Variants in FGF10 observed in about 807,000 individuals in gnomAD.
The protein encoded by FGF10 is FGF-10.
In FGF10, 2 loss-of-function variants were observed where a neutral mutation model predicts 19.8. That is an observed-to-expected ratio of 0.10 (90% CI 0.04 to 0.32). FGF10 has a LOEUF of 0.32. Ranked by LOEUF, FGF10 falls within the 10% of genes least tolerant of loss-of-function variation. FGF10 has a pLI of 1.00. For missense variants in FGF10, 191 were observed against 246.3 expected (o/e 0.78, Z 1.50); for synonymous variants, 112 against 94.0 (o/e 1.19, Z -1.10).
chr5:44,342,923 C>T (rs73752006), intron 1 of FGF10, among the ~76,000 whole-genome samples: 2,526 of 152,060 alleles, frequency 0.017, 60 homozygotes, highest in African/African-American at 0.056. Context: ...AAATGCATCA[C>T]ATAGTTTGGT....
At position 44,389,131 on chromosome 5, in the gene FGF10, C is replaced by CA; in HGVS notation, c.-450_-449insT. The CA allele has an allele frequency of 3.8e-5, 10 of 262,794 alleles. No homozygotes were observed. Among genetic ancestry groups the CA allele is most frequent in the South Asian group, 3.4e-4 (7 of 20,826 alleles). 16.3% of individuals were successfully genotyped at this position (262,794 alleles called of 1,614,324 possible). ...GGGGAATAGGGGGAGATATCTGCAC[C>CA]CCTCTGCGGTTGGCACCTTCTGGTC... On this transcript the variant is annotated 5_prime_UTR_variant, in exon 1 of 3. Transcript: ENST00000264664.
At chr5:44,334,828 G>A (rs1364403946) in intron 1 of FGF10, among the ~76,000 whole-genome samples, 2 of 152,162 alleles carry the variant, frequency 1.3e-5, no homozygotes, top group African/African-American at 4.8e-5. Flanking sequence ...AAAGATACTT[G>A]CATAAACAAG....
At chr5:44,372,449 T>C (rs914674580) in intron 1 of FGF10, among the ~76,000 whole-genome samples, 1 of 152,144 alleles carries the variant, frequency 6.6e-6, no homozygotes, top group African/African-American at 2.4e-5. Context: ...TTTAATCACA[T>C]CTGCAAAACT....
At chr5:44,366,217 T>G (rs1176365326) in intron 1 of FGF10, among the ~76,000 whole-genome samples, 1 of 148,776 alleles carries the variant, frequency 6.7e-6, no homozygotes, top group Non-Finnish European at 1.5e-5. Flanking sequence ...CAAAAGGTTA[T>G]ATATACATCT....
Position 44,303,326 on chromosome 5 carries a change from G to A in FGF10, c.*1669C>T, listed in dbSNP as rs531008954. ...TAAGTTTGTTGGAGAATCACAGAACGCCAGCATTTCCAAAGGTTAAACTTT... is the reference window on the plus strand; with the variant it reads ...TAAGTTTGTTGGAGAATCACAGAACACCAGCATTTCCAAAGGTTAAACTTT... On this transcript the variant is annotated 3_prime_UTR_variant, in exon 3 of 3. Coordinates refer to ENST00000264664, the MANE Select transcript of FGF10 (RefSeq NM_004465.2). Among the ~76,000 whole-genome samples, 6 of 152,160 alleles carry A rather than the reference G, an allele frequency of 3.9e-5. No individual in the cohort carries two copies. Among genetic ancestry groups the A allele is most frequent in the East Asian group, 3.9e-4 (2 of 5,186 alleles).
chr5:44,388,816 A>G lies in FGF10; in HGVS notation c.-134T>C. On this transcript the variant is annotated 5_prime_UTR_variant, in exon 1 of 3. Transcript: ENST00000264664. ...GCTCCCTCTGGGCGCGGATCTGGCC[A>G]GAAGTGAATGCACCAACATCCATAA... The G allele has an allele frequency of 1.2e-6, 1 of 853,130 alleles. No individual in the cohort carries two copies. Among genetic ancestry groups the G allele is most frequent in the Non-Finnish European group, 2.0e-6 (1 of 511,840 alleles). 52.8% of individuals were successfully genotyped at this position (853,130 alleles called of 1,614,324 possible).
chr5:44,371,103 A>G (rs979694637), intron 1 of FGF10, among the ~76,000 whole-genome samples: 3 of 152,084 alleles, frequency 2.0e-5, no homozygotes, highest in Admixed American at 1.3e-4. Flanking sequence ...CAGGAACCAA[A>G]AGGTGATTGG....
At chr5:44,367,819 C>T (rs1328475452) in intron 1 of FGF10, among the ~76,000 whole-genome samples, 1 of 147,192 alleles carries the variant, frequency 6.8e-6, no homozygotes, top group Middle Eastern at 3.2e-3. Context: ...TCATTCAATG[C>T]TGCCTAAGAA....
chr5:44,365,473 T>G (rs941062395), intron 1 of FGF10, among the ~76,000 whole-genome samples: 5 of 151,934 alleles, frequency 3.3e-5, no homozygotes, highest in South Asian at 2.1e-4. Context: ...ACCTTCTTCT[T>G]GCACCTCCCC....
At position 44,342,622 on chromosome 5, in the gene FGF10, C is replaced by A. The variant is rs187875101; in HGVS notation, c.326-32092G>T. On this transcript the variant is annotated intron_variant, in intron 1 of 2. Transcript: ENST00000264664. ...CACAGGCAGGAGGAAGACAGAGTAC[C>A]CTTACATAAAGGGAATGAAAATATT... 4.9e-4 allele frequency among the ~76,000 whole-genome samples: 74 copies of A among 151,818 alleles called. 1 individual carries two copies. The highest frequency in any genetic ancestry group is 4.8e-3 in the Admixed American group (73 of 15,202).
At chr5:44,311,014 T>C (rs1002185847) in intron 1 of FGF10, among the ~76,000 whole-genome samples, 3 of 152,110 alleles carry the variant, frequency 2.0e-5, no homozygotes, top group African/African-American at 7.2e-5. Flanking sequence ...AGGATATAGA[T>C]AATCTAAATC....
chr5:44,310,054 G>T (rs538431836), intron 2 of FGF10, among the ~76,000 whole-genome samples: 1 of 152,076 alleles, frequency 6.6e-6, no homozygotes, highest in African/African-American at 2.4e-5. Context: ...CAGCCGTAAC[G>T]CATATATAAT....
At chr5:44,363,953 T>C (rs1741547935) in intron 1 of FGF10, among the ~76,000 whole-genome samples, 1 of 151,822 alleles carries the variant, frequency 6.6e-6, no homozygotes, top group South Asian at 2.1e-4. Flanking sequence ...TAAACAAGAC[T>C]TCCTTATATT....
At chr5:44,324,022 C>T (rs1366537075) in intron 1 of FGF10, among the ~76,000 whole-genome samples, 1 of 152,026 alleles carries the variant, frequency 6.6e-6, no homozygotes, top group East Asian at 1.9e-4. Context: ...TATCTATCTA[C>T]ACACAAACAA....
chr5:44,313,033 T>TCAAC (rs1166776511), intron 1 of FGF10, among the ~76,000 whole-genome samples: 2 of 152,086 alleles, frequency 1.3e-5, no homozygotes, highest in African/African-American at 4.8e-5. Context: ...AAAGACTCAA[T>TCAAC]CAACCATTTT....
At chr5:44,315,934 A>G (rs1740336662) in intron 1 of FGF10, among the ~76,000 whole-genome samples, 1 of 152,192 alleles carries the variant, frequency 6.6e-6, no homozygotes, top group South Asian at 2.1e-4. Flanking sequence ...GCCTCAAAAC[A>G]TTATGGGAAC....
chr5:44,357,125 A>G (rs1024647112), intron 1 of FGF10, among the ~76,000 whole-genome samples: 1 of 151,508 alleles, frequency 6.6e-6, no homozygotes, highest in African/African-American at 2.4e-5. Flanking sequence ...TCATAAAAAA[A>G]AAACAACATT....
At chr5:44,343,711 C>T (rs1741020305) in intron 1 of FGF10, among the ~76,000 whole-genome samples, 1 of 151,898 alleles carries the variant, frequency 6.6e-6, no homozygotes, top group Admixed American at 6.6e-5. Flanking sequence ...ATTCTTTTGC[C>T]AAAACATAGC....
Position 44,300,664 on chromosome 5 carries a change from T to C in FGF10, c.*4331A>G, listed in dbSNP as rs1739949680. On this transcript the variant is annotated 3_prime_UTR_variant, in exon 3 of 3. Coordinates refer to ENST00000264664, the MANE Select transcript of FGF10 (RefSeq NM_004465.2). ...AAAATGTTTTTATGTCACAGCTTCA[T>C]TTAATAAGATGTAGCAAACAACCAT... Among the ~76,000 whole-genome samples the C allele has an allele frequency of 6.6e-6, 1 of 152,160 alleles. No homozygotes were observed. The highest frequency in any genetic ancestry group is 6.6e-5 in the Admixed American group (1 of 15,254).
Sources: allele counts gnomAD v4.1 joint callset (sites outside exome capture counted in the v4.1 genomes callset), GRCh38; gene constraint gnomAD v4.1.1; transcripts MANE v1.5; gene names NCBI Gene and HGNC (gene_info 2026-07-23, HGNC 2026-07-21).